The following FGGY variants were observed in gnomAD, a reference collection of about 807,000 sequenced individuals.
FGGY encodes the protein FGGY carbohydrate kinase domain-containing protein.
In FGGY, 72 loss-of-function variants were observed where a neutral mutation model predicts 71.3. The observed-to-expected ratio is 1.01, with a 90% CI of 0.84 to 1.23. FGGY has a LOEUF of 1.23. Ranked by LOEUF, FGGY falls within the 50% of genes most tolerant of loss-of-function variation. The probability of loss-of-function intolerance (pLI) is 0.00; values close to 1 mark genes in which losing one functional copy is unlikely to be tolerated. For missense variants in FGGY, 668 were observed against 682.3 expected (o/e 0.98, Z 0.23); for synonymous variants, 251 against 250.3 (o/e 1.00, Z -0.02).
At chr1:59,750,823 T>C (rs2098239069) in intron 14 of FGGY, among the ~76,000 whole-genome samples, 1 of 152,146 alleles carries the variant, frequency 6.6e-6, no homozygotes, top group Admixed American at 6.5e-5. Context: ...CACATTAGCA[T>C]GTGAACTTGT....
intron 8 of FGGY, among the ~76,000 whole-genome samples, chr1:59,603,968 C>T (rs2096600383): frequency 6.6e-6 from 1 of 152,204 alleles, no homozygotes; most frequent in South Asian, 2.1e-4. Context: ...TGTTATTTAA[C>T]TCTCTGCCTC....
intron 4 of FGGY, among the ~76,000 whole-genome samples, chr1:59,358,108 C>T (rs1249675407): frequency 2.6e-5 from 4 of 152,180 alleles, no homozygotes; most frequent in Non-Finnish European, 5.9e-5. Context: ...GATACAGTAA[C>T]TCATAGCGTG....
chr1:59,591,196 C>G (rs1390028230), intron 8 of FGGY, among the ~76,000 whole-genome samples: 1 of 152,082 alleles, frequency 6.6e-6, no homozygotes, highest in Non-Finnish European at 1.5e-5. Context: ...ACAATTGCTT[C>G]AAAAAGAATA....
At chr1:59,615,526 C>A (rs1242379701) in intron 9 of FGGY, among the ~76,000 whole-genome samples, 1 of 152,134 alleles carries the variant, frequency 6.6e-6, no homozygotes, top group African/African-American at 2.4e-5. Flanking sequence ...AATGTTAGAC[C>A]TACAACCATA....
At chr1:59,580,608 A>T (rs1161901905) in intron 8 of FGGY, among the ~76,000 whole-genome samples, 1 of 152,166 alleles carries the variant, frequency 6.6e-6, no homozygotes, top group Non-Finnish European at 1.5e-5. Flanking sequence ...CTTGATTTTA[A>T]GGCTTTAGAG....
At chr1:59,371,699 A>G (rs2057670305) in intron 4 of FGGY, among the ~76,000 whole-genome samples, 1 of 152,246 alleles carries the variant, frequency 6.6e-6, no homozygotes, top group Non-Finnish European at 1.5e-5. Flanking sequence ...AGAAATTATA[A>G]CAAACTGTCT....
At chr1:59,576,478 T>A (rs1242610548) in intron 8 of FGGY, among the ~76,000 whole-genome samples, 1 of 152,112 alleles carries the variant, frequency 6.6e-6, no homozygotes, top group East Asian at 1.9e-4. Context: ...GATGACGGGT[T>A]GATAGGTGCA....
At chr1:59,426,799 T>C (rs1038912041) in intron 5 of FGGY, among the ~76,000 whole-genome samples, 4 of 152,140 alleles carry the variant, frequency 2.6e-5, no homozygotes, top group African/African-American at 7.2e-5. Flanking sequence ...TAAATATTTG[T>C]TGAATGGATG....
chr1:59,579,481 T>C (rs948872635), intron 8 of FGGY, among the ~76,000 whole-genome samples: 1 of 152,200 alleles, frequency 6.6e-6, no homozygotes, highest in Admixed American at 6.5e-5. Flanking sequence ...AAAAGCCTAA[T>C]TCCTCTCAGC....
intron 14 of FGGY, among the ~76,000 whole-genome samples, chr1:59,750,519 C>G (rs74652035): frequency 0.047 from 7,140 of 152,186 alleles, 280 homozygotes; most frequent in East Asian, 0.13. Context: ...AATGTGTGCA[C>G]ATAGTGTACT....
At chr1:59,416,158 A>G (rs1437998242) in intron 5 of FGGY, among the ~76,000 whole-genome samples, 1 of 151,606 alleles carries the variant, frequency 6.6e-6, no homozygotes, top group East Asian at 1.9e-4. Flanking sequence ...GCTTTTATTT[A>G]AATCAGTTAG....
At chr1:59,582,075 C>A (rs7523380) in intron 8 of FGGY, among the ~76,000 whole-genome samples, 4,464 of 149,010 alleles carry the variant, frequency 0.03, 629 homozygotes, top group African/African-American at 0.11. Context: ...ATAGTGAGAC[C>A]CTTCTCTCTT....
chr1:59,653,413 G>A (rs1284276944), intron 11 of FGGY, among the ~76,000 whole-genome samples: 1 of 152,106 alleles, frequency 6.6e-6, no homozygotes, highest in African/African-American at 2.4e-5. Flanking sequence ...AGATTCTGTG[G>A]GCGTAGGACC....
chr1:59,297,962 A>T (rs917665855), intron 1 of FGGY, among the ~76,000 whole-genome samples: 10 of 152,336 alleles, frequency 6.6e-5, no homozygotes, highest in African/African-American at 2.4e-4. Flanking sequence ...AAAGCAGTTA[A>T]TCCTTAGGTT....
chr1:59,622,336 A>C (rs1286026709), intron 9 of FGGY, among the ~76,000 whole-genome samples: 1 of 151,940 alleles, frequency 6.6e-6, no homozygotes, highest in African/African-American at 2.4e-5. Context: ...TATGGATTAC[A>C]TTTTCCTGTT....
intron 7 of FGGY, among the ~76,000 whole-genome samples, chr1:59,532,957 T>G (rs1175931833): frequency 6.6e-6 from 1 of 152,244 alleles, no homozygotes; most frequent in Non-Finnish European, 1.5e-5. Flanking sequence ...ATTTTATTTC[T>G]CTAATCCAGA....
intron 2 of FGGY, among the ~76,000 whole-genome samples, chr1:59,329,841 T>C (rs748447336): frequency 6.6e-6 from 1 of 152,260 alleles, no homozygotes; most frequent in Non-Finnish European, 1.5e-5. Context: ...CTTCCTCTTT[T>C]GCTCCAGCCA....
intron 6 of FGGY, among the ~76,000 whole-genome samples, chr1:59,478,517 A>G (rs560424418): frequency 4.5e-4 from 69 of 152,362 alleles, no homozygotes; most frequent in African/African-American, 1.5e-3. Context: ...TGTCTGGAAC[A>G]TAGTAGGTAC....
chr1:59,535,170 G>A (rs1010542875), intron 7 of FGGY, among the ~76,000 whole-genome samples: 1 of 152,030 alleles, frequency 6.6e-6, no homozygotes, highest in African/African-American at 2.4e-5. Flanking sequence ...AAAAAAGGCA[G>A]GGGTTGCAAT....
Sources: gnomAD v4.1 joint callset for allele counts (sites outside exome capture counted in the v4.1 genomes callset) on GRCh38, gnomAD v4.1.1 for gene constraint, MANE v1.5 for transcripts, NCBI Gene and HGNC (gene_info 2026-07-23, HGNC 2026-07-21) for gene names.